Variants in ICA1L observed in about 807,000 individuals in gnomAD.
ICA1L encodes the protein islet cell autoantigen 1 like.
A neutral mutation model predicts 61.3 loss-of-function variants in ICA1L; 50 were observed. The ratio of observed to expected loss-of-function variants is 0.82; its 90% confidence interval spans 0.65 to 1.03. The LOEUF (loss-of-function observed/expected upper bound fraction) is 1.03. ICA1L is among the 50% of genes least tolerant of loss of function. ICA1L has a pLI of 0.00. For synonymous variants in ICA1L, 161 were observed against 191.3 expected (o/e 0.84, Z 1.31); for missense variants, 508 against 556.7 (o/e 0.91, Z 0.88).
rs77809808 is a variant in ICA1L, at chr2:202,868,827, G to A, written c.-8+2792C>T. 5.3e-4 allele frequency among the ~76,000 whole-genome samples: 80 copies of A among 152,114 alleles called. No individual in the cohort carries two copies. In the East Asian group the frequency reaches 0.015, roughly 28 times the overall value. ...TACTAAAAATAAGAAAATTAGCTGG[G>A]CGTGATGGCATGTGCTTGTAGTCCC... On this transcript the variant is annotated intron_variant, in intron 1 of 12. Coordinates refer to ENST00000358299, the MANE Select transcript of ICA1L (RefSeq NM_001288622.3).
At chr2:202,813,499 G>T (rs1000226529) in intron 8 of ICA1L, among the ~76,000 whole-genome samples, 2 of 152,146 alleles carry the variant, frequency 1.3e-5, no homozygotes, top group Non-Finnish European at 2.9e-5. Flanking sequence ...AGTTCTGCAG[G>T]TTGGGAAGTT....
intron 11 of ICA1L, 93 bp downstream of exon 11, chr2:202,788,737 T>C (rs908969481): frequency 6.9e-5 from 90 of 1,302,048 alleles, no homozygotes; most frequent in Non-Finnish European, 9.2e-5. Flanking sequence ...TTAAAATCAA[T>C]CTGCTTGTTG....
At chr2:202,811,601 G>A in intron 9 of ICA1L, 145 bp downstream of exon 9, 1 of 561,888 alleles carries the variant, frequency 1.8e-6, no homozygotes, top group Non-Finnish European at 3.2e-6. Context: ...GGCAGAGCTT[G>A]CAGTGAGCCA....
chr2:202,862,740 G>A (rs902102944), intron 1 of ICA1L, among the ~76,000 whole-genome samples: 4 of 151,860 alleles, frequency 2.6e-5, no homozygotes, highest in African/African-American at 9.7e-5. Flanking sequence ...GGGAGGCTGA[G>A]GCAGGAGAAT....
Position 202,773,879 on chromosome 2 carries a change from TC to T in ICA1L, c.*5653del, listed in dbSNP as rs976705729. On this transcript the variant is annotated 3_prime_UTR_variant, in exon 13 of 13. Coordinates refer to ENST00000358299, the MANE Select transcript of ICA1L (RefSeq NM_001288622.3). Reference sequence around the variant, plus strand: ...CTTCTACAGAGGCTGAGTGGAACAGTCCTGCTAAATAAACCAGTGGAATAAG... The same window carrying T: ...CTTCTACAGAGGCTGAGTGGAACAGTCTGCTAAATAAACCAGTGGAATAAG... The T allele has an allele frequency of 1.1e-4, 139 of 1,288,784 alleles. No homozygotes were observed. The Admixed American group carries it at 2.4e-3, about 22-fold the overall frequency. 79.8% of individuals were successfully genotyped at this position (1,288,784 alleles called of 1,614,324 possible). A position where few individuals can be genotyped will look rare whatever the true frequency, so the allele number is the denominator to read the frequency against.
intron 3 of ICA1L, 139 bp from the exon 4 acceptor site, chr2:202,821,620 A>G (rs1395511667): frequency 3.4e-6 from 2 of 581,674 alleles, no homozygotes; most frequent in Non-Finnish European, 5.6e-6. Context: ...TATTTTTTAA[A>G]TGCAATTCCT....
rs1219825029 is a variant in ICA1L at position 202,778,452 on chromosome 2, A to G, written c.*1081T>C. On this transcript the variant is annotated 3_prime_UTR_variant, in exon 13 of 13. Transcript: ENST00000358299. ...GAACCTCAGATCATGTCACCCACAG[A>G]AAGAGGGAAGTAGAAAAATGAGACA... 1 of 152,208 alleles carries G rather than the reference A, an allele frequency of 6.6e-6. No individual in the cohort carries two copies. The highest frequency in any genetic ancestry group is 6.5e-5 in the Admixed American group (1 of 15,282). 9.4% of individuals were successfully genotyped at this position (152,208 alleles called of 1,614,324 possible). A position where few individuals can be genotyped will look rare whatever the true frequency, so the allele number is the denominator to read the frequency against.
intron 1 of ICA1L, among the ~76,000 whole-genome samples, chr2:202,829,902 A>G (rs931678433): frequency 6.6e-6 from 1 of 152,168 alleles, no homozygotes; most frequent in African/African-American, 2.4e-5. Context: ...TCCTTAGGAA[A>G]ATTTCCTATA....
intron 9 of ICA1L, among the ~76,000 whole-genome samples, chr2:202,800,770 T>C (rs999636002): frequency 6.6e-6 from 1 of 152,012 alleles, no homozygotes; most frequent in Non-Finnish European, 1.5e-5. Flanking sequence ...AATTCTATGC[T>C]CAGTTTGGGA....
chr2:202,813,771 C>T (rs991699477), intron 8 of ICA1L, among the ~76,000 whole-genome samples: 2 of 152,048 alleles, frequency 1.3e-5, no homozygotes, highest in Non-Finnish European at 2.9e-5. Context: ...AACAAAGGGA[C>T]AATAATATAA....
At chr2:202,801,450 T>C (rs765910652) in intron 9 of ICA1L, among the ~76,000 whole-genome samples, 11 of 152,216 alleles carry the variant, frequency 7.2e-5, no homozygotes, top group Non-Finnish European at 1.5e-4. Context: ...TTTGAGTGAA[T>C]ACCTCAGAGC....
chr2:202,812,533 T>A (rs1693407732), intron 8 of ICA1L, among the ~76,000 whole-genome samples: 1 of 151,846 alleles, frequency 6.6e-6, no homozygotes, highest in African/African-American at 2.4e-5. Flanking sequence ...GCCGAGATCA[T>A]GCCACTGCAC....
intron 1 of ICA1L, among the ~76,000 whole-genome samples, chr2:202,868,604 C>CA (rs1168743180): frequency 6.6e-6 from 1 of 152,130 alleles, no homozygotes; most frequent in Non-Finnish European, 1.5e-5. Flanking sequence ...AAACTAGAAA[C>CA]AATCTAAGTA....
At chr2:202,854,989 GAAACTCACTCAA>G (rs1298899489) in intron 1 of ICA1L, among the ~76,000 whole-genome samples, 2 of 152,078 alleles carry the variant, frequency 1.3e-5, no homozygotes, top group Admixed American at 1.3e-4. Flanking sequence ...AACAAAAAAA[GAAACTCACTCAA>G]AACCGTACAG....
chr2:202,780,111 TAAGGTTTAA>T (rs1305325337), intron 12 of ICA1L, among the ~76,000 whole-genome samples: 1 of 152,242 alleles, frequency 6.6e-6, no homozygotes, highest in Non-Finnish European at 1.5e-5. Context: ...GACTCTCAGA[TAAGGTTTAA>T]AAGTAAACTT....
At chr2:202,868,668 C>G (rs771053183) in intron 1 of ICA1L, among the ~76,000 whole-genome samples, 6 of 152,114 alleles carry the variant, frequency 3.9e-5, no homozygotes, top group Non-Finnish European at 7.3e-5. Flanking sequence ...TGACAGAATA[C>G]TATATAAAAC....
chr2:202,789,460 A>G (rs528422035), intron 10 of ICA1L, among the ~76,000 whole-genome samples: 1 of 152,344 alleles, frequency 6.6e-6, no homozygotes, highest in South Asian at 2.1e-4. Flanking sequence ...TCAAAAGAGC[A>G]TAATCAATAA....
At chr2:202,813,924 T>C (rs1025317707) in intron 8 of ICA1L, among the ~76,000 whole-genome samples, 1 of 152,188 alleles carries the variant, frequency 6.6e-6, no homozygotes, top group African/African-American at 2.4e-5. Flanking sequence ...CTTTCTTCTC[T>C]CTAGCTACCC....
Position 202,815,858 on chromosome 2 carries a change from C to T in ICA1L, c.783+53G>A, listed in dbSNP as rs376685111. The T allele has an allele frequency of 4.9e-6, 5 of 1,012,444 alleles. No individual in the cohort carries two copies. In the East Asian group the frequency reaches 1.2e-4, roughly 24 times the overall value. 62.7% of individuals were successfully genotyped at this position (1,012,444 alleles called of 1,614,324 possible). A position where few individuals can be genotyped will look rare whatever the true frequency, so the allele number is the denominator to read the frequency against. On this transcript the variant is annotated intron_variant, in intron 7 of 12. Transcript: ENST00000358299. ...AAAAAAAAAAAAGTTTCAATGTTATCACCCAAATGAAGAGTAATACATCTA... is the reference window on the plus strand; with the variant it reads ...AAAAAAAAAAAAGTTTCAATGTTATTACCCAAATGAAGAGTAATACATCTA...
Sources: gnomAD v4.1 joint callset for allele counts (sites outside exome capture counted in the v4.1 genomes callset) on GRCh38, gnomAD v4.1.1 for gene constraint, MANE v1.5 for transcripts, NCBI Gene and HGNC (gene_info 2026-07-23, HGNC 2026-07-21) for gene names.